The following NTRK2 variants were observed in gnomAD, a reference collection of about 807,000 sequenced individuals.
The protein encoded by NTRK2 is BDNF/NT-3 growth factors receptor.
Under a neutral mutation model 94.5 loss-of-function variants are expected in NTRK2, and 13 were observed. That is an observed-to-expected ratio of 0.14 (90% CI 0.09 to 0.22). The LOEUF (loss-of-function observed/expected upper bound fraction) is 0.22, where lower values mean the gene tolerates loss of function less well. Among genes scored for constraint, NTRK2 ranks in the 10% least tolerant of loss-of-function variants. The pLI, the probability that NTRK2 is intolerant of heterozygous loss-of-function variation, is 1.00. For missense variants in NTRK2, 639 were observed against 1,071.2 expected (o/e 0.60, Z 5.63); for synonymous variants, 372 against 407.4 (o/e 0.91, Z 1.05).
intron 17 of NTRK2, among the ~76,000 whole-genome samples, chr9:84,993,591 G>A (rs2133340071): frequency 6.6e-6 from 1 of 152,320 alleles, no homozygotes; most frequent in South Asian, 2.1e-4. Flanking sequence ...TTTGTAGAGT[G>A]CAAATCTGGC....
intron 12 of NTRK2, among the ~76,000 whole-genome samples, chr9:84,844,220 G>C (rs1232489946): frequency 2.0e-5 from 3 of 152,166 alleles, no homozygotes; most frequent in African/African-American, 7.2e-5. Context: ...AGGGAGGCAA[G>C]AGGCTAGAAT....
intron 17 of NTRK2, among the ~76,000 whole-genome samples, chr9:84,963,025 T>G (rs1429795255): frequency 2.0e-5 from 3 of 152,206 alleles, no homozygotes; most frequent in Non-Finnish European, 2.9e-5. Flanking sequence ...GTGTCAGAGC[T>G]GTGGATTGGC....
intron 11 of NTRK2, 27 bp from the exon 12 acceptor site, chr9:84,751,959 A>G: frequency 6.3e-7 from 1 of 1,592,330 alleles, no homozygotes; most frequent in African/African-American, 1.3e-5. Context: ...TAGCAAGGTT[A>G]TAACCACCCT....
At chr9:84,961,284 T>C (rs1054591272) in intron 17 of NTRK2, among the ~76,000 whole-genome samples, 3 of 152,236 alleles carry the variant, frequency 2.0e-5, no homozygotes, top group African/African-American at 4.8e-5. Flanking sequence ...CACTATATAA[T>C]ACTTAGACAA....
At chr9:84,864,040 G>A (rs1306694026) in intron 13 of NTRK2, among the ~76,000 whole-genome samples, 1 of 152,154 alleles carries the variant, frequency 6.6e-6, no homozygotes, top group African/African-American at 2.4e-5. Flanking sequence ...TCACTTGGTT[G>A]GACTCTTTAA....
intron 9 of NTRK2, among the ~76,000 whole-genome samples, chr9:84,729,364 T>C (rs2062683022): frequency 6.6e-6 from 1 of 152,220 alleles, no homozygotes; most frequent in African/African-American, 2.4e-5. Flanking sequence ...GTTGCTGTCT[T>C]TTCCATTAAA....
At chr9:84,877,229 C>G in intron 14 of NTRK2, 1 of 1,065,332 alleles carries the variant, frequency 9.4e-7, no homozygotes, top group Non-Finnish European at 1.1e-6. Context: ...TAGTTCTTGG[C>G]GTTAACATCT....
intron 12 of NTRK2, among the ~76,000 whole-genome samples, chr9:84,845,867 A>T (rs1418748321): frequency 6.6e-6 from 1 of 151,992 alleles, no homozygotes; most frequent in Non-Finnish European, 1.5e-5. Flanking sequence ...GGCAATCCCC[A>T]CTAAAGAATT....
At chr9:84,924,228 G>GA (rs1564468564) in intron 14 of NTRK2, among the ~76,000 whole-genome samples, 3 of 92,426 alleles carry the variant, frequency 3.2e-5, no homozygotes, top group African/African-American at 1.2e-4. Flanking sequence ...AAGAAAGAAA[G>GA]TAGAAAGAAA....
intron 2 of NTRK2, among the ~76,000 whole-genome samples, chr9:84,687,078 G>GT (rs1164356141): frequency 2.6e-5 from 4 of 152,148 alleles, no homozygotes; most frequent in South Asian, 4.1e-4. Context: ...TATTTGACGG[G>GT]TTTTTTTCCT....
intron 17 of NTRK2, among the ~76,000 whole-genome samples, chr9:84,978,113 A>G (rs10868241): frequency 0.72 from 109,680 of 152,052 alleles, 40,095 homozygotes; most frequent in African/African-American, 0.79. Context: ...CCCTACACAA[A>G]CCTCCAAGTT....
chr9:84,734,761 A>G, intron 9 of NTRK2, among the ~76,000 whole-genome samples: 1 of 152,186 alleles, frequency 6.6e-6, no homozygotes, highest in Non-Finnish European at 1.5e-5. Flanking sequence ...AGGCCTCCCC[A>G]GCCATATGGA....
chr9:84,926,117 CCTTCCTTCCTT>C (rs1564470742), intron 14 of NTRK2, among the ~76,000 whole-genome samples: 63 of 41,696 alleles, frequency 1.5e-3, no homozygotes, highest in African/African-American at 4.4e-3. Flanking sequence ...TTCCTTCCTT[CCTTCCTTCCTT>C]CCTTCCTTCC....
chr9:84,818,042 T>C (rs935577759), intron 12 of NTRK2, among the ~76,000 whole-genome samples: 19 of 152,300 alleles, frequency 1.2e-4, no homozygotes, highest in Admixed American at 7.8e-4. Context: ...CCACAGGACC[T>C]AAGAGATAAT....
intron 4 of NTRK2, among the ~76,000 whole-genome samples, chr9:84,703,413 G>A (rs529459750): frequency 1.3e-4 from 20 of 152,282 alleles, no homozygotes; most frequent in Non-Finnish European, 2.4e-4. Flanking sequence ...TTCATAGATC[G>A]TAAGTAGCAG....
chr9:84,726,538 A>C (rs1463772590), intron 8 of NTRK2, among the ~76,000 whole-genome samples: 1 of 152,194 alleles, frequency 6.6e-6, no homozygotes, highest in African/African-American at 2.4e-5. Flanking sequence ...ACCAGTGCAG[A>C]GACCCCACTC....
intron 14 of NTRK2, among the ~76,000 whole-genome samples, chr9:84,927,526 A>C (rs1295693530): frequency 1.3e-5 from 2 of 152,046 alleles, no homozygotes; most frequent in Non-Finnish European, 2.9e-5. Context: ...AAGTTTATTG[A>C]ACTAAATTGT....
chr9:84,823,412 T>C (rs996305520), intron 12 of NTRK2, among the ~76,000 whole-genome samples: 6 of 152,246 alleles, frequency 3.9e-5, no homozygotes, highest in Admixed American at 3.9e-4. Context: ...TACAGAGCGA[T>C]GCATCCTCTT....
intron 6 of NTRK2, among the ~76,000 whole-genome samples, chr9:84,720,443 C>G (rs1281861001): frequency 6.6e-6 from 1 of 152,148 alleles, no homozygotes; most frequent in Non-Finnish European, 1.5e-5. Flanking sequence ...ATTGGAAGAG[C>G]ATTATTTGAA....
Sources: allele counts gnomAD v4.1 joint callset (sites outside exome capture counted in the v4.1 genomes callset), GRCh38; gene constraint gnomAD v4.1.1; transcripts MANE v1.5; gene names NCBI Gene and HGNC (gene_info 2026-07-23, HGNC 2026-07-21).